The following PPFIA2 variants were observed in gnomAD, a reference collection of about 807,000 sequenced individuals.
PPFIA2 encodes liprin-alpha-2.
PPFIA2 carries 46 observed loss-of-function variants against 175.5 expected under a neutral mutation model. The ratio of observed to expected loss-of-function variants is 0.26; its 90% confidence interval spans 0.21 to 0.34. The LOEUF (loss-of-function observed/expected upper bound fraction) is 0.34, where lower values mean the gene tolerates loss of function less well. Among genes scored for constraint, PPFIA2 ranks in the 10% least tolerant of loss-of-function variants. The probability of loss-of-function intolerance (pLI) is 1.00; values close to 1 mark genes in which losing one functional copy is unlikely to be tolerated. For missense variants in PPFIA2, 1,179 were observed against 1,506.1 expected, an observed-to-expected ratio of 0.78 and a Z score of 3.60; for synonymous variants, 568 against 511.4, an observed-to-expected ratio of 1.11 and a Z score of -1.49.
intron 4 of PPFIA2, among the ~76,000 whole-genome samples, chr12:81,601,620 C>A (rs983217033): frequency 7.9e-5 from 12 of 151,604 alleles, no homozygotes; most frequent in Admixed American, 6.6e-4. Context: ...TGTAGGGAAG[C>A]CCCATTCAGT....
chr12:81,379,194 C>T (rs1353519111), intron 9 of PPFIA2, among the ~76,000 whole-genome samples: 2 of 152,086 alleles, frequency 1.3e-5, no homozygotes, highest in Non-Finnish European at 2.9e-5. Context: ...GCTTTTCCCT[C>T]TGTCATTTGA....
intron 4 of PPFIA2, among the ~76,000 whole-genome samples, chr12:81,543,662 T>C (rs2066551878): frequency 2.0e-5 from 3 of 151,904 alleles, no homozygotes; most frequent in African/African-American, 4.8e-5. Flanking sequence ...GGAAGTGGAA[T>C]GAGTTCACAG....
At chr12:81,297,656 C>G (rs1394800306) in intron 23 of PPFIA2, among the ~76,000 whole-genome samples, 1 of 152,082 alleles carries the variant, frequency 6.6e-6, no homozygotes, top group Non-Finnish European at 1.5e-5. Context: ...TTCTTTGGAC[C>G]CTAATGATTT....
intron 22 of PPFIA2, among the ~76,000 whole-genome samples, chr12:81,304,205 T>C (rs1405563240): frequency 6.6e-6 from 1 of 152,236 alleles, no homozygotes; most frequent in Non-Finnish European, 1.5e-5. Context: ...TAGTATCTTT[T>C]ATGTTTCATT....
intron 4 of PPFIA2, among the ~76,000 whole-genome samples, chr12:81,654,586 T>C (rs1423717568): frequency 1.3e-5 from 2 of 152,090 alleles, no homozygotes; most frequent in African/African-American, 4.8e-5. Context: ...CCTGAGGTCA[T>C]ATTCTGTGTA....
chr12:81,728,137 G>C (rs2080336517), intron 3 of PPFIA2, among the ~76,000 whole-genome samples: 1 of 151,394 alleles, frequency 6.6e-6, no homozygotes, highest in Non-Finnish European at 1.5e-5. Context: ...ATTAGGTTAT[G>C]GGAAAATACT....
chr12:81,416,958 A>T (rs1432958558), intron 7 of PPFIA2, among the ~76,000 whole-genome samples: 1 of 151,774 alleles, frequency 6.6e-6, no homozygotes. Flanking sequence ...AGTCTCAATA[A>T]ATATTTATTT....
intron 3 of PPFIA2, among the ~76,000 whole-genome samples, chr12:81,715,181 T>C (rs944595939): frequency 6.8e-6 from 1 of 147,406 alleles, no homozygotes. Context: ...GAGTACAAAA[T>C]AGAAATAACA....
chr12:81,406,868 A>G (rs1268247523), intron 7 of PPFIA2, among the ~76,000 whole-genome samples: 3 of 152,186 alleles, frequency 2.0e-5, no homozygotes, highest in Non-Finnish European at 4.4e-5. Flanking sequence ...CAAGACCAAC[A>G]TGTCACAAGA....
At chr12:81,307,102 TTA>T (rs1360676814) in intron 22 of PPFIA2, among the ~76,000 whole-genome samples, 1 of 152,126 alleles carries the variant, frequency 6.6e-6, no homozygotes, top group Admixed American at 6.5e-5. Flanking sequence ...AACCTTGTGT[TTA>T]CTTAACTCCT....
chr12:81,584,422 T>G (rs765057359), intron 4 of PPFIA2, among the ~76,000 whole-genome samples: 27 of 151,880 alleles, frequency 1.8e-4, no homozygotes, highest in Non-Finnish European at 3.1e-4. Context: ...ATAGTCCTAT[T>G]ATAACCTCAG....
intron 8 of PPFIA2, among the ~76,000 whole-genome samples, chr12:81,397,547 T>G (rs534885425): frequency 1.3e-5 from 2 of 152,162 alleles, no homozygotes; most frequent in Non-Finnish European, 2.9e-5. Context: ...TAGTGATGAC[T>G]GTAGCAGGAG....
chr12:81,539,285 G>A (rs1192005533), intron 4 of PPFIA2, among the ~76,000 whole-genome samples: 1 of 151,840 alleles, frequency 6.6e-6, no homozygotes, highest in Non-Finnish European at 1.5e-5. Flanking sequence ...AGAAATCTGG[G>A]CAGGAAATAT....
In PPFIA2 at chr12:81,688,078, C is replaced by T. The variant is rs560649203; in HGVS notation, c.250-11234G>A. Among the ~76,000 whole-genome samples the T allele has an allele frequency of 3.3e-5, 5 of 152,038 alleles. 1 individual carries two copies. The highest frequency in any genetic ancestry group is 1.2e-4 in the African/African-American group (5 of 41,542). ...TTTATTTCCCCACATAGTCTTACAA[C>T]TTTTATGCATTTCTATGGCTTTGGT... On this transcript the variant is annotated intron_variant, in intron 3 of 32. Coordinates refer to ENST00000549396, the MANE Select transcript of PPFIA2 (RefSeq NM_003625.5).
chr12:81,697,993 T>C (rs1313384163), intron 3 of PPFIA2, among the ~76,000 whole-genome samples: 1 of 152,152 alleles, frequency 6.6e-6, no homozygotes. Flanking sequence ...GACACATTTG[T>C]TGAGCAATAT....
chr12:81,581,649 A>C (rs1243053334), intron 4 of PPFIA2, among the ~76,000 whole-genome samples: 2 of 151,548 alleles, frequency 1.3e-5, no homozygotes, highest in Admixed American at 1.3e-4. Flanking sequence ...TCCATGTTTC[A>C]CTTCCTTGCC....
chr12:81,372,378 T>C (rs1283280749), intron 11 of PPFIA2, among the ~76,000 whole-genome samples: 1 of 151,302 alleles, frequency 6.6e-6, no homozygotes, highest in East Asian at 1.9e-4. Context: ...AGAATATCAT[T>C]CAAAATATAG....
chr12:81,397,744 GA>G (rs2041403983), intron 8 of PPFIA2, among the ~76,000 whole-genome samples: 1 of 151,898 alleles, frequency 6.6e-6, no homozygotes, highest in African/African-American at 2.4e-5. Context: ...TTTGGGACCA[GA>G]CTTCTCAGTA....
chr12:81,362,001 C>T (rs1223187428), intron 15 of PPFIA2, among the ~76,000 whole-genome samples: 1 of 124,118 alleles, frequency 8.1e-6, no homozygotes, highest in Non-Finnish European at 1.7e-5. Context: ...ATCTATGTAT[C>T]TATGTATCTA....
Sources: gnomAD v4.1 joint callset for allele counts (sites outside exome capture counted in the v4.1 genomes callset) on GRCh38, gnomAD v4.1.1 for gene constraint, MANE v1.5 for transcripts, NCBI Gene and HGNC (gene_info 2026-07-23, HGNC 2026-07-21) for gene names.